Variants in FOXQ1 observed in about 807,000 individuals in gnomAD.
The protein encoded by FOXQ1 is forkhead box Q1, also known as forkhead box protein Q1.
In FOXQ1, 1 loss-of-function variant was observed where a neutral mutation model predicts 0.6. The observed-to-expected ratio is 1.73, with a 90% CI of 0.61 to 8.20. FOXQ1 has a LOEUF of 8.20. FOXQ1 is among the 30% of genes most tolerant of loss of function. FOXQ1 has a pLI of 0.13. For synonymous variants in FOXQ1, 377 were observed against 294.4 expected (o/e 1.28, Z -2.87); for missense variants, 734 against 595.6 (o/e 1.23, Z -2.42).
In FOXQ1 at chr6:1,312,992, G is replaced by C; in HGVS notation, c.288G>C (p.Ala96=). 8 of 1,313,434 alleles carry C rather than the reference G, an allele frequency of 6.1e-6. No homozygotes were observed. The highest frequency in any genetic ancestry group is 2.2e-4 in the Middle Eastern group (1 of 4,450). The allele number at this position is 1,313,434 out of a possible 1,614,324, so 81.4% of individuals were successfully genotyped here. The change falls in exon 1 of 1, where the codon GCG becomes GCC. Residue 96 remains alanine (A), a synonymous_variant. Coordinates refer to ENST00000296839, the MANE Select transcript of FOXQ1 (RefSeq NM_033260.4). ...VVAEGAEAGA[A]GPGAGGAGSG... ...CGGAGGGCGCGGAGGCCGGGGCGGC[G>C]GGGCCAGGCGCGGGCGGCGCGGGGA...
rs1291016599 is a variant in FOXQ1 at position 1,312,991 on chromosome 6, C to T, written c.287C>T (p.Ala96Val). The change falls in exon 1 of 1, where the codon GCG (alanine) becomes GTG (valine). Residue 96 changes from alanine to valine, a missense_variant. Physicochemically the swap from Ala to Val is moderately conservative, Grantham distance 64 (BLOSUM62 0). Coordinates refer to ENST00000296839, the MANE Select transcript of FOXQ1 (RefSeq NM_033260.4). The stretch of plus-strand genomic sequence containing the variant: ...GCGGAGGGCGCGGAGGCCGGGGCGG[C>T]GGGGCCAGGCGCGGGCGGCGCGGGG... The part of the protein sequence containing the change: ...VVAEGAEAGA[A>V]GPGAGGAGSG... 3 of 1,308,212 alleles carry T rather than the reference C, an allele frequency of 2.3e-6. No homozygotes were observed. The highest frequency in any genetic ancestry group is 8.1e-5 in the Admixed American group (2 of 24,636). 81.0% of individuals were successfully genotyped at this position (1,308,212 alleles called of 1,614,324 possible).
rs893830746 is a variant in FOXQ1 at position 1,312,359 on chromosome 6, C to T, written c.-346C>T. 4.4e-6 allele frequency: 1 copy of T among 226,848 alleles called. No individual in the cohort carries two copies. The highest frequency in any genetic ancestry group is 8.6e-6 in the Non-Finnish European group (1 of 116,422). The allele number at this position is 226,848 out of a possible 1,614,324, so 14.1% of individuals were successfully genotyped here. On this transcript the variant is annotated 5_prime_UTR_variant, in exon 1 of 1. Coordinates refer to ENST00000296839, the MANE Select transcript of FOXQ1 (RefSeq NM_033260.4). ...AGCAGATGCGCATGCTGCTTCTCTC[C>T]GGCAGGAAAGCCTTCTAAGCCCGGC...
chr6:1,313,466 C>A lies in FOXQ1; in HGVS notation c.762C>A (p.Pro254=). 9.2e-7 allele frequency: 1 copy of A among 1,084,490 alleles called. No homozygotes were observed. The highest frequency in any genetic ancestry group is 7.9e-5 in the East Asian group (1 of 12,596). 67.2% of individuals were successfully genotyped at this position (1,084,490 alleles called of 1,614,324 possible). The change falls in exon 1 of 1, where the codon CCC becomes CCA. Residue 254 remains proline, a synonymous_variant. Transcript: ENST00000296839. This position sits in a 1 kb window ranked among gnomAD's most constrained non-coding sequence, Gnocchi z 5.2. ...AAPASPRMRS[P]ARQEERASPA... ...CGGCCTCGCCCCGCATGCGCTCGCC[C>A]GCCCGCCAGGAGGAGCGCGCCAGCC...
chr6:1,312,532 CA>C lies in FOXQ1; in HGVS notation c.-172del. The C allele has an allele frequency of 9.3e-7, 1 of 1,071,800 alleles. No homozygotes were observed. Among genetic ancestry groups the C allele is most frequent in the Non-Finnish European group, 1.2e-6 (1 of 839,258 alleles). The allele number at this position is 1,071,800 out of a possible 1,614,324, so 66.4% of individuals were successfully genotyped here. A position where few individuals can be genotyped will look rare whatever the true frequency, so the allele number is the denominator to read the frequency against. ...TTGCAGCCCCTCCAGAGAAAAAGCC[CA>C]GCGGAAGAGGACTCCGGAAAAGTGA... On this transcript the variant is annotated 5_prime_UTR_variant, in exon 1 of 1. Coordinates refer to ENST00000296839, the MANE Select transcript of FOXQ1 (RefSeq NM_033260.4).
At position 1,313,374 on chromosome 6, in the gene FOXQ1, G is replaced by A. The variant is rs1176856503; in HGVS notation, c.670G>A (p.Ala224Thr). 18 of 1,467,986 alleles carry A rather than the reference G, an allele frequency of 1.2e-5. No homozygotes were observed. The highest frequency in any genetic ancestry group is 1.6e-5 in the Non-Finnish European group (18 of 1,106,284). 90.9% of individuals were successfully genotyped at this position (1,467,986 alleles called of 1,614,324 possible). A position where few individuals can be genotyped will look rare whatever the true frequency, so the allele number is the denominator to read the frequency against. The change falls in exon 1 of 1, where the codon GCG becomes ACG. Residue 224 changes from alanine (A) to threonine (T), a missense_variant. Coordinates refer to ENST00000296839, the MANE Select transcript of FOXQ1 (RefSeq NM_033260.4). This position sits in a 1 kb window ranked among gnomAD's most constrained non-coding sequence, Gnocchi z 5.2. ...CCTCAGCCACCGCGCGCCGGTCCCCGCGCCCGGGCTGCGGCCCGAGGAGGC... is the reference window on the plus strand; with the variant it reads ...CCTCAGCCACCGCGCGCCGGTCCCCACGCCCGGGCTGCGGCCCGAGGAGGC... ...KRLSHRAPVP[A>T]PGLRPEEAPG...
chr6:1,313,213 A>C lies in FOXQ1; in HGVS notation c.509A>C (p.Asn170Thr). The C allele has an allele frequency of 6.2e-7, 1 of 1,609,678 alleles. No homozygotes were observed. Among genetic ancestry groups the C allele is most frequent in the Non-Finnish European group, 8.5e-7 (1 of 1,178,446 alleles). Residue 170 changes from asparagine (N) to threonine (T), a missense_variant, in exon 1 of 1, where the codon AAC (asparagine) becomes ACC (threonine). By Grantham distance (65) the Asn-to-Thr change is moderately conservative. Transcript: ENST00000296839. The surrounding 1 kb of genome is among the most constrained non-coding windows in gnomAD (Gnocchi z 5.2). The stretch of plus-strand genomic sequence containing the variant: ...GGCTGGCGCAACTCCGTGCGCCACA[A>C]CCTTTCGCTCAACGACTGCTTCGTC... ...YTGWRNSVRHNLSLNDCFVKV... is the reference protein window; with the variant it reads ...YTGWRNSVRHTLSLNDCFVKV...
chr6:1,313,067 C>T lies in FOXQ1; in HGVS notation c.363C>T (p.Pro121=), dbSNP rs146958460. 15 of 1,604,112 alleles carry T rather than the reference C, an allele frequency of 9.4e-6. No homozygotes were observed. In the Admixed American group the frequency reaches 1.5e-4, roughly 16 times the overall value. The part of the protein sequence containing the change: ...SKPYTRRPKP[P]YSYIALIAMA... ...CATATACGCGGCGGCCCAAGCCCCC[C>T]TACTCGTACATCGCGCTCATCGCCA... The change falls in exon 1 of 1, where the codon CCC becomes CCT. Residue 121 remains proline, a synonymous_variant. Transcript: ENST00000296839. This position sits in a 1 kb window ranked among gnomAD's most constrained non-coding sequence, Gnocchi z 5.2.
At position 1,312,913 on chromosome 6, in the gene FOXQ1, G is replaced by A. The variant is rs1757572702; in HGVS notation, c.209G>A (p.Gly70Asp). 1.6e-6 allele frequency: 2 copies of A among 1,278,092 alleles called. No individual in the cohort carries two copies. The highest frequency in any genetic ancestry group is 2.0e-6 in the Non-Finnish European group (2 of 1,016,406). 79.2% of individuals were successfully genotyped at this position (1,278,092 alleles called of 1,614,324 possible). ...TQGDGEQSAG[G>D]GPGAEEAIPA... ...GGCGACGGCGAACAGAGTGCGGGAG[G>A]CGGGCCGGGCGCGGAGGAGGCGATC... is the stretch of plus-strand genomic sequence containing the variant. Residue 70 changes from glycine to aspartate, a missense_variant, in exon 1 of 1, where the codon GGC (glycine) becomes GAC (aspartate). By Grantham distance (94) the Gly-to-Asp change is moderately conservative. Coordinates refer to ENST00000296839, the MANE Select transcript of FOXQ1 (RefSeq NM_033260.4).
In FOXQ1 at chr6:1,314,165, C is replaced by T. The variant is rs979828058; in HGVS notation, c.*249C>T. The stretch of plus-strand genomic sequence containing the variant: ...TTTAGTTTCTTTGCGAAGCCTGCTC[C>T]TCCTTCCCTTCATAAGGACTTTTTT... On this transcript the variant is annotated 3_prime_UTR_variant, in exon 1 of 1. Coordinates refer to ENST00000296839, the MANE Select transcript of FOXQ1 (RefSeq NM_033260.4). The T allele has an allele frequency of 1.9e-5, 8 of 422,192 alleles. No individual in the cohort carries two copies. Among genetic ancestry groups the T allele is most frequent in the African/African-American group, 1.7e-4 (8 of 47,612 alleles). 26.2% of individuals were successfully genotyped at this position (422,192 alleles called of 1,614,324 possible).
At position 1,313,873 on chromosome 6, in the gene FOXQ1, C is replaced by G. The variant is rs1757596811; in HGVS notation, c.1169C>G (p.Pro390Arg). ...CTGCAGGCGGCCTCAGTCCGCCGCC[C>G]TGGCCCGCACCTGCCGTACCCGGTG... ...AALQAASVRR[P>R]GPHLPYPVET... is the part of the protein sequence containing the mutation. The change falls in exon 1 of 1, where the codon CCT (proline) becomes CGT (arginine). Residue 390 changes from proline to arginine, a missense_variant. Physicochemically the swap from Pro to Arg is moderately radical, Grantham distance 103. Coordinates refer to ENST00000296839, the MANE Select transcript of FOXQ1 (RefSeq NM_033260.4). The surrounding 1 kb of genome is among the most constrained non-coding windows in gnomAD (Gnocchi z 5.2). The G allele has an allele frequency of 1.5e-6, 2 of 1,314,434 alleles. No homozygotes were observed. The highest frequency in any genetic ancestry group is 3.7e-5 in the Admixed American group (1 of 27,108). The allele number at this position is 1,314,434 out of a possible 1,614,324, so 81.4% of individuals were successfully genotyped here.
In FOXQ1 at chr6:1,313,257, T is replaced by G; in HGVS notation, c.553T>G (p.Ser185Ala). 1 of 1,610,346 alleles carries G rather than the reference T, an allele frequency of 6.2e-7. No individual in the cohort carries two copies. Among genetic ancestry groups the G allele is most frequent in the East Asian group, 2.2e-5 (1 of 44,586 alleles). The change falls in exon 1 of 1, where the codon TCG (serine) becomes GCG (alanine). Residue 185 changes from serine to alanine, a missense_variant. Transcript: ENST00000296839. The surrounding 1 kb of genome is among the most constrained non-coding windows in gnomAD (Gnocchi z 5.2). ...CTTCGTCAAGGTGCTGCGCGACCCC[T>G]CGCGGCCCTGGGGCAAGGACAACTA... ...DCFVKVLRDP[S>A]RPWGKDNYWM...
At position 1,312,845 on chromosome 6, in the gene FOXQ1, G is replaced by T; in HGVS notation, c.141G>T (p.Ala47=). The T allele has an allele frequency of 1.6e-6, 2 of 1,282,444 alleles. No homozygotes were observed. 79.4% of individuals were successfully genotyped at this position (1,282,444 alleles called of 1,614,324 possible). Reference sequence around the variant, plus strand: ...CCCTGGGCTCAGATGGGGACTGCGCGGCCAACAGCCCGGCCGCGGGCGGCG... The same window carrying T: ...CCCTGGGCTCAGATGGGGACTGCGCTGCCAACAGCCCGGCCGCGGGCGGCG... ...DDSLGSDGDC[A]ANSPAAGGGA... The change falls in exon 1 of 1, where the codon GCG becomes GCT. Residue 47 remains alanine (A), a synonymous_variant. Transcript: ENST00000296839.
In FOXQ1 at chr6:1,312,971, G is replaced by C; in HGVS notation, c.267G>C (p.Glu89Asp). The change falls in exon 1 of 1, where the codon GAG becomes GAC. Residue 89 changes from glutamate (E) to aspartate (D), a missense_variant. Coordinates refer to ENST00000296839, the MANE Select transcript of FOXQ1 (RefSeq NM_033260.4). ...PAAAAAAVVA[E>D]GAEAGAAGPG... ...CAGCTGCTGCAGCGGTGGTGGCGGAGGGCGCGGAGGCCGGGGCGGCGGGGC... is the reference window on the plus strand; with the variant it reads ...CAGCTGCTGCAGCGGTGGTGGCGGACGGCGCGGAGGCCGGGGCGGCGGGGC... The C allele has an allele frequency of 7.8e-7, 1 of 1,283,962 alleles. No homozygotes were observed. Among genetic ancestry groups the C allele is most frequent in the South Asian group, 2.9e-5 (1 of 33,908 alleles). The allele number at this position is 1,283,962 out of a possible 1,614,324, so 79.5% of individuals were successfully genotyped here.
rs1717774053 is a variant in FOXQ1 at position 1,312,206 on chromosome 6, G to A, written c.-499G>A. 6.6e-6 allele frequency among the ~76,000 whole-genome samples: 1 copy of A among 152,226 alleles called. No individual in the cohort carries two copies. On this transcript the variant is annotated 5_prime_UTR_variant, in exon 1 of 1. Coordinates refer to ENST00000296839, the MANE Select transcript of FOXQ1 (RefSeq NM_033260.4). ...GGGACTCGCCTCCGCGGGTGCTCAA[G>A]GCTGAAGGCGCCGGACCTTCCCCCA...
rs536987646 is a variant in FOXQ1, at chr6:1,313,254, C to G, written c.550C>G (p.Pro184Ala). 20 of 1,610,348 alleles carry G rather than the reference C, an allele frequency of 1.2e-5. No homozygotes were observed. In the Admixed American group the frequency reaches 1.7e-4, roughly 13 times the overall value. The change falls in exon 1 of 1, where the codon CCC (proline) becomes GCC (alanine). Residue 184 changes from proline (P) to alanine (A), a missense_variant. Coordinates refer to ENST00000296839, the MANE Select transcript of FOXQ1 (RefSeq NM_033260.4). The surrounding 1 kb of genome is among the most constrained non-coding windows in gnomAD (Gnocchi z 5.2). ...CTGCTTCGTCAAGGTGCTGCGCGAC[C>G]CCTCGCGGCCCTGGGGCAAGGACAA... Reference protein sequence around the residue: ...NDCFVKVLRDPSRPWGKDNYW... With the variant: ...NDCFVKVLRDASRPWGKDNYW...
Position 1,313,491 on chromosome 6 carries a change from C to G in FOXQ1, c.787C>G (p.Pro263Ala). Residue 263 changes from proline to alanine, a missense_variant, in exon 1 of 1, where the codon CCC becomes GCC. By Grantham distance (27) the Pro-to-Ala change is conservative. Transcript: ENST00000296839. This position sits in a 1 kb window ranked among gnomAD's most constrained non-coding sequence, Gnocchi z 5.2. Reference sequence around the variant, plus strand: ...CGCCCGCCAGGAGGAGCGCGCCAGCCCCGCGGGCAAGTTCTCCAGCTCCTT... The same window carrying G: ...CGCCCGCCAGGAGGAGCGCGCCAGCGCCGCGGGCAAGTTCTCCAGCTCCTT... ...SPARQEERAS[P>A]AGKFSSSFAI... 8.4e-7 allele frequency: 1 copy of G among 1,190,806 alleles called. No individual in the cohort carries two copies. The highest frequency in any genetic ancestry group is 1.1e-6 in the Non-Finnish European group (1 of 943,310). 73.8% of individuals were successfully genotyped at this position (1,190,806 alleles called of 1,614,324 possible).
In FOXQ1 at chr6:1,313,177, G is replaced by C; in HGVS notation, c.473G>C (p.Gly158Ala). ...ATGGGCAAGTTCCCCTTTTTCCGCG[G>C]CAGCTACACGGGCTGGCGCAACTCC... ...YLMGKFPFFR[G>A]SYTGWRNSVR... is the part of the protein sequence containing the mutation. The change falls in exon 1 of 1, where the codon GGC becomes GCC. Residue 158 changes from glycine to alanine, a missense_variant. Transcript: ENST00000296839. This position sits in a 1 kb window ranked among gnomAD's most constrained non-coding sequence, Gnocchi z 5.2. 6.2e-7 allele frequency: 1 copy of C among 1,610,412 alleles called. No homozygotes were observed. Among genetic ancestry groups the C allele is most frequent in the East Asian group, 2.2e-5 (1 of 44,650 alleles).
Position 1,312,155 on chromosome 6 carries a change from A to C in FOXQ1, c.-550A>C, listed in dbSNP as rs1757556479. ...GCTGCCCCGGAGGCTGGGAGCGGGA[A>C]GGCGGCTGCGGGCGCAGCGGCCTCG... On this transcript the variant is annotated 5_prime_UTR_variant, in exon 1 of 1. Coordinates refer to ENST00000296839, the MANE Select transcript of FOXQ1 (RefSeq NM_033260.4). Among the ~76,000 whole-genome samples the C allele has an allele frequency of 6.6e-6, 1 of 152,212 alleles. No homozygotes were observed. Among genetic ancestry groups the C allele is most frequent in the South Asian group, 2.1e-4 (1 of 4,834 alleles).
rs1757580055 is a variant in FOXQ1 at position 1,313,278 on chromosome 6, A to G, written c.574A>G (p.Asn192Asp). Residue 192 changes from asparagine to aspartate, a missense_variant, in exon 1 of 1, where the codon AAC (asparagine) becomes GAC (aspartate). Physicochemically the swap from Asn to Asp is conservative, Grantham distance 23. Transcript: ENST00000296839. The surrounding 1 kb of genome is among the most constrained non-coding windows in gnomAD (Gnocchi z 5.2). The stretch of plus-strand genomic sequence containing the variant: ...CCCCTCGCGGCCCTGGGGCAAGGAC[A>G]ACTACTGGATGCTCAACCCCAACAG... Reference protein sequence around the residue: ...RDPSRPWGKDNYWMLNPNSEY... With the variant: ...RDPSRPWGKDDYWMLNPNSEY... 1.2e-6 allele frequency: 2 copies of G among 1,609,750 alleles called. No homozygotes were observed. The highest frequency in any genetic ancestry group is 8.5e-7 in the Non-Finnish European group (1 of 1,178,664).
Sources: allele counts gnomAD v4.1 joint callset (sites outside exome capture counted in the v4.1 genomes callset), GRCh38; gene constraint gnomAD v4.1.1; non-coding constraint Gnocchi (gnomAD v3.1); transcripts MANE v1.5; gene names NCBI Gene and HGNC (gene_info 2026-07-23, HGNC 2026-07-21).